The following RIMBP2 variants were observed in gnomAD, a reference collection of about 807,000 sequenced individuals.
RIMBP2 encodes RIMS-binding protein 2.
RIMBP2 carries 48 observed loss-of-function variants against 118.6 expected under a neutral mutation model. The observed-to-expected ratio is 0.40, with a 90% CI of 0.32 to 0.51. The LOEUF (loss-of-function observed/expected upper bound fraction) is 0.51. Among genes scored for constraint, RIMBP2 ranks in the 20% least tolerant of loss-of-function variants. The pLI is 0.41. For synonymous variants in RIMBP2, 762 were observed against 742.9 expected (o/e 1.03, Z -0.42); for missense variants, 1,551 against 1,768.3 (o/e 0.88, Z 2.20).
At chr12:130,521,365 C>G (rs768555677) in intron 2 of RIMBP2, among the ~76,000 whole-genome samples, 89 of 152,184 alleles carry the variant, frequency 5.8e-4, no homozygotes, top group Non-Finnish European at 9.8e-4. Context: ...AAACGAGAGT[C>G]CCCCAGCAGC....
intron 17 of RIMBP2, among the ~76,000 whole-genome samples, chr12:130,415,698 TAAG>T (rs1017879552): frequency 6.7e-6 from 1 of 150,270 alleles, no homozygotes; most frequent in Non-Finnish European, 1.5e-5. Flanking sequence ...ATATAGGAAA[TAAG>T]AAGTCAAATT....
At chr12:130,639,894 C>A (rs904910362) in intron 1 of RIMBP2, among the ~76,000 whole-genome samples, 1 of 152,166 alleles carries the variant, frequency 6.6e-6, no homozygotes, top group South Asian at 2.1e-4. Context: ...AGATGTAAAT[C>A]AATAAAATAA....
chr12:130,458,425 G>T (rs2079648423), intron 6 of RIMBP2, among the ~76,000 whole-genome samples: 2 of 152,108 alleles, frequency 1.3e-5, no homozygotes, highest in Admixed American at 6.5e-5. Context: ...CTGCAGGTGG[G>T]ATGACGACTT....
intron 1 of RIMBP2, among the ~76,000 whole-genome samples, chr12:130,656,563 G>T (rs1175363617): frequency 1.5e-5 from 2 of 132,028 alleles, no homozygotes; most frequent in Non-Finnish European, 3.1e-5. Flanking sequence ...TTCTGAGGCT[G>T]TCAGGAGAAT....
intron 2 of RIMBP2, among the ~76,000 whole-genome samples, chr12:130,587,167 A>C (rs1254163701): frequency 1.3e-5 from 2 of 151,184 alleles, no homozygotes; most frequent in Non-Finnish European, 2.9e-5. Context: ...ATCATTAAAA[A>C]GTCAGGAAAT....
chr12:130,532,125 G>T (rs7974599), intron 2 of RIMBP2, among the ~76,000 whole-genome samples: 20 of 117,182 alleles, frequency 1.7e-4, no homozygotes, highest in Middle Eastern at 5.6e-3. Flanking sequence ...ATGCGTGTGT[G>T]TAGCCTCTAG....
rs565167548 is a variant in RIMBP2 at position 130,458,369 on chromosome 12, G to A, written c.154-1669C>T. On this transcript the variant is annotated intron_variant, in intron 6 of 22. Coordinates refer to ENST00000690449, the MANE Select transcript of RIMBP2 (RefSeq NM_001393629.1). Reference sequence around the variant, plus strand: ...TCTGGGGCCTGACATGGAAAGCATCGGAGGGAACCCAAGCCCAGGGACAGC... The same window carrying A: ...TCTGGGGCCTGACATGGAAAGCATCAGAGGGAACCCAAGCCCAGGGACAGC... Among the ~76,000 whole-genome samples the A allele has an allele frequency of 1.3e-4, 20 of 152,190 alleles. No individual in the cohort carries two copies. In the East Asian group the frequency reaches 2.9e-3, roughly 22 times the overall value.
intron 2 of RIMBP2, among the ~76,000 whole-genome samples, chr12:130,564,031 CCAG>C: frequency 6.7e-6 from 1 of 149,260 alleles, no homozygotes. Context: ...TCAGGCAGTC[CCAG>C]TCCCAGGGCC....
chr12:130,709,651 G>C (rs1191376039), intron 1 of RIMBP2, among the ~76,000 whole-genome samples: 1 of 152,160 alleles, frequency 6.6e-6, no homozygotes, highest in African/African-American at 2.4e-5. Flanking sequence ...GGAGGTACAG[G>C]GGCAGCGTGA....
intron 5 of RIMBP2, among the ~76,000 whole-genome samples, chr12:130,472,921 T>G (rs1380255788): frequency 1.3e-5 from 2 of 152,100 alleles, no homozygotes; most frequent in Admixed American, 6.5e-5. Flanking sequence ...AACTGTTCCT[T>G]TCAAAGCAAA....
In RIMBP2 at chr12:130,454,784, G is replaced by A. The variant is rs183017144; in HGVS notation, c.358+1712C>T. 5.9e-3 allele frequency among the ~76,000 whole-genome samples: 895 copies of A among 152,294 alleles called. 8 individuals carry two copies. The highest frequency in any genetic ancestry group is 0.02 in the African/African-American group (848 of 41,560). ...ATCCCTGTTCCCGCCTCCCTGTCCC[G>A]GGAGCTTTGCAGCGGGTTCCACATT... On this transcript the variant is annotated intron_variant, in intron 7 of 22. Transcript: ENST00000690449.
intron 12 of RIMBP2, 31 bp downstream of exon 12, chr12:130,438,334 A>C: frequency 5.2e-6 from 7 of 1,344,506 alleles, no homozygotes; most frequent in Non-Finnish European, 7.4e-6. Context: ...GGGCCTAACA[A>C]ACCCTCCCCA....
At chr12:130,604,326 GTTAA>G (rs2060042762) in intron 2 of RIMBP2, among the ~76,000 whole-genome samples, 1 of 150,126 alleles carries the variant, frequency 6.7e-6, no homozygotes, top group South Asian at 2.1e-4. Flanking sequence ...GTAAGCTAAG[GTTAA>G]TTGATTATTG....
chr12:130,557,309 C>G (rs2056446938), intron 2 of RIMBP2, among the ~76,000 whole-genome samples: 1 of 152,112 alleles, frequency 6.6e-6, no homozygotes, highest in Non-Finnish European at 1.5e-5. Context: ...CCCTGGAGCT[C>G]AAGCTTCAGC....
intron 2 of RIMBP2, among the ~76,000 whole-genome samples, chr12:130,603,440 T>G (rs1450736684): frequency 6.6e-6 from 1 of 151,852 alleles, no homozygotes; most frequent in Non-Finnish European, 1.5e-5. Flanking sequence ...AATAGAGAAA[T>G]GGATAAGGAA....
intron 2 of RIMBP2, among the ~76,000 whole-genome samples, chr12:130,518,922 T>G (rs1179777280): frequency 6.6e-6 from 1 of 152,146 alleles, no homozygotes; most frequent in Non-Finnish European, 1.5e-5. Flanking sequence ...TAAAGCAACC[T>G]GAAAAGGACT....
intron 1 of RIMBP2, among the ~76,000 whole-genome samples, chr12:130,664,447 G>GCACGCACGCA (rs2063823662): frequency 1.6e-5 from 2 of 122,414 alleles, no homozygotes; most frequent in African/African-American, 3.0e-5. Context: ...ACGCACACAC[G>GCACGCACGCA]CACACACATG....
chr12:130,586,404 A>T (rs2058883439), intron 2 of RIMBP2, among the ~76,000 whole-genome samples: 1 of 152,226 alleles, frequency 6.6e-6, no homozygotes, highest in South Asian at 2.1e-4. Context: ...GTGAGCCAAG[A>T]TAACGCCACA....
rs759401772 is a variant in RIMBP2 at position 130,437,299 on chromosome 12, C to G, written c.1657-8G>C. The G allele has an allele frequency of 1.3e-5, 20 of 1,569,240 alleles. No homozygotes were observed. Among genetic ancestry groups the G allele is most frequent in the Non-Finnish European group, 1.4e-5 (16 of 1,165,298 alleles). On this transcript the variant is annotated splice_region_variant and splice_polypyrimidine_tract_variant and intron_variant, in intron 12 of 22. Coordinates refer to ENST00000690449, the MANE Select transcript of RIMBP2 (RefSeq NM_001393629.1). The stretch of plus-strand genomic sequence containing the variant: ...GAAGATGACTTCAGCCACCTGTGGA[C>G]AAGCAGAGCTGGCTCGCGGGCTGCC...
Sources: gnomAD v4.1 joint callset for allele counts (sites outside exome capture counted in the v4.1 genomes callset) on GRCh38, gnomAD v4.1.1 for gene constraint, MANE v1.5 for transcripts, NCBI Gene and HGNC (gene_info 2026-07-23, HGNC 2026-07-21) for gene names.